NR3C2: variants seen among roughly 807,000 people sequenced by gnomAD.
NR3C2 encodes the protein nuclear receptor subfamily 3 group C member 2.
In NR3C2, 15 loss-of-function variants were observed where a neutral mutation model predicts 86.4. The observed-to-expected ratio is 0.17, with a 90% confidence interval of 0.12 to 0.27. The LOEUF is 0.27. Ranked by LOEUF, NR3C2 falls within the 10% of genes least tolerant of loss-of-function variation. NR3C2 has a pLI of 1.00. For synonymous variants in NR3C2, 458 were observed against 450.5 expected (o/e 1.02, Z -0.21); for missense variants, 960 against 1,195.6 (o/e 0.80, Z 2.91).
intron 6 of NR3C2, among the ~76,000 whole-genome samples, chr4:148,136,088 AACACCAC>A (rs1260528994): frequency 7.0e-6 from 1 of 142,058 alleles, no homozygotes; most frequent in African/African-American, 2.8e-5. Context: ...AAAAAAAAAA[AACACCAC>A]CAAAACCAAC....
chr4:148,394,973 G>C (rs1189399646), intron 2 of NR3C2, among the ~76,000 whole-genome samples: 1 of 152,056 alleles, frequency 6.6e-6, no homozygotes, highest in African/African-American at 2.4e-5. Flanking sequence ...TTTGCAAGCA[G>C]AATGTAGTGG....
intron 1 of NR3C2, among the ~76,000 whole-genome samples, chr4:148,439,114 C>A (rs1750211311): frequency 6.6e-6 from 1 of 152,068 alleles, no homozygotes; most frequent in Non-Finnish European, 1.5e-5. Context: ...GAAAACTAAA[C>A]TAAAAAACAG....
intron 6 of NR3C2, among the ~76,000 whole-genome samples, chr4:148,136,056 C>CAAAAA (rs199716496): frequency 1.0e-3 from 71 of 71,132 alleles, no homozygotes; most frequent in South Asian, 2.4e-3. Context: ...GACTCCGTCT[C>CAAAAA]AAAAAAAAAA....
intron 2 of NR3C2, among the ~76,000 whole-genome samples, chr4:148,390,513 A>G (rs1173128575): frequency 6.6e-6 from 1 of 152,170 alleles, no homozygotes; most frequent in Non-Finnish European, 1.5e-5. Flanking sequence ...GAATCACCTG[A>G]AAGGAGGGCA....
intron 8 of NR3C2, among the ~76,000 whole-genome samples, chr4:148,104,234 A>G (rs1731673237): frequency 6.6e-6 from 1 of 152,050 alleles, no homozygotes; most frequent in South Asian, 2.1e-4. Flanking sequence ...CTAGGCAATG[A>G]GTAAGATCTC....
chr4:148,310,936 G>A (rs1226214268), intron 2 of NR3C2, among the ~76,000 whole-genome samples: 2 of 152,022 alleles, frequency 1.3e-5, no homozygotes, highest in East Asian at 3.9e-4. Context: ...CAGCAAAACT[G>A]CTTAGCACGG....
chr4:148,326,234 CAAAAAA>C lies in NR3C2; in HGVS notation c.1758-66123_1758-66118del, dbSNP rs11381917. On this transcript the variant is annotated intron_variant, in intron 2 of 8. Transcript: ENST00000358102. ...TGAAACTCTATCTCTACTAAAAATA[CAAAAAA>C]AAAAAAAAAAATTAGCCGGGCATGG... Among the ~76,000 whole-genome samples, 9 of 133,734 alleles carry C rather than the reference CAAAAAA, an allele frequency of 6.7e-5. No individual in the cohort carries two copies. In the South Asian group the frequency reaches 1.9e-3, roughly 29 times the overall value. The allele number at this position is 133,734 out of a possible 152,430, so 87.7% of individuals were successfully genotyped here.
intron 2 of NR3C2, among the ~76,000 whole-genome samples, chr4:148,393,923 C>T (rs1249034285): frequency 1.3e-5 from 2 of 152,168 alleles, no homozygotes; most frequent in African/African-American, 4.8e-5. Context: ...CCCCTTGTGT[C>T]TTGGCTGGCC....
rs140591710 is a variant in NR3C2, at chr4:148,114,311, T to C, written c.2642-50A>G. 3.9e-4 allele frequency: 626 copies of C among 1,602,096 alleles called. 3 individuals carry two copies. In the African/African-American group the frequency reaches 7.3e-3, roughly 19 times the overall value. ...AAATTTCCAGGATGGAAAACAACTT[T>C]AGCATCTTGGCAGGTAAAGTCATAT... On this transcript the variant is annotated intron_variant, in intron 7 of 8. Transcript: ENST00000358102.
At chr4:148,330,209 T>C (rs931624527) in intron 2 of NR3C2, among the ~76,000 whole-genome samples, 2 of 152,096 alleles carry the variant, frequency 1.3e-5, no homozygotes, top group Non-Finnish European at 2.9e-5. Flanking sequence ...AGTAACTAAT[T>C]AATCCTAATG....
intron 8 of NR3C2, among the ~76,000 whole-genome samples, chr4:148,088,429 G>A (rs769886315): frequency 3.3e-5 from 5 of 152,162 alleles, no homozygotes; most frequent in South Asian, 2.1e-4. Flanking sequence ...TGTTTATTGC[G>A]GCACTGTTCA....
chr4:148,159,640 T>C, intron 4 of NR3C2, among the ~76,000 whole-genome samples: 1 of 152,232 alleles, frequency 6.6e-6, no homozygotes, highest in East Asian at 1.9e-4. Flanking sequence ...GGCTCAGAGT[T>C]CACGCCCTTA....
At chr4:148,366,483 GC>G in intron 2 of NR3C2, among the ~76,000 whole-genome samples, 1 of 6,688 alleles carries the variant, frequency 1.5e-4, no homozygotes. Flanking sequence ...AAAGTACTCA[GC>G]ACTTTTAAAA....
rs1480616735 is a variant in NR3C2 at position 148,080,177 on chromosome 4, C to T, written c.*1167G>A. 3 of 152,302 alleles carry T rather than the reference C, an allele frequency of 2.0e-5. No individual in the cohort carries two copies. The highest frequency in any genetic ancestry group is 7.2e-5 in the African/African-American group (3 of 41,462). The allele number at this position is 152,302 out of a possible 1,614,324, so 9.4% of individuals were successfully genotyped here. ...TGACACCTTCCAGGAGCTGCAGACA[C>T]CGCAGTGTGTCATTCCCCGATGGAG... On this transcript the variant is annotated 3_prime_UTR_variant, in exon 9 of 9. Coordinates refer to ENST00000358102, the MANE Select transcript of NR3C2 (RefSeq NM_000901.5).
chr4:148,344,049 AG>A (rs1744876939), intron 2 of NR3C2, among the ~76,000 whole-genome samples: 1 of 152,194 alleles, frequency 6.6e-6, no homozygotes, highest in Non-Finnish European at 1.5e-5. Flanking sequence ...ATCTAGAGGA[AG>A]GGGGATAGAC....
intron 3 of NR3C2, among the ~76,000 whole-genome samples, chr4:148,223,991 G>A (rs1367174552): frequency 6.6e-6 from 1 of 152,146 alleles, no homozygotes; most frequent in African/African-American, 2.4e-5. Context: ...ACAAGGTGTT[G>A]ACGATGTTGA....
At chr4:148,255,384 T>TCG (rs1739782355) in intron 3 of NR3C2, among the ~76,000 whole-genome samples, 6 of 152,220 alleles carry the variant, frequency 3.9e-5, no homozygotes, top group Non-Finnish European at 5.9e-5. Flanking sequence ...GTTCACAGGC[T>TCG]TGGCTGTCTG....
chr4:148,201,242 T>C (rs768208940), intron 3 of NR3C2: 1 of 152,190 alleles, frequency 6.6e-6, no homozygotes, highest in African/African-American at 2.4e-5. Context: ...CGAGCTCTTA[T>C]AAGCTCCATA....
intron 2 of NR3C2, among the ~76,000 whole-genome samples, chr4:148,341,831 T>TA (rs1276479351): frequency 6.6e-6 from 1 of 152,212 alleles, no homozygotes; most frequent in African/African-American, 2.4e-5. Flanking sequence ...ACCACTATTT[T>TA]AATATATTCA....
Sources: gnomAD v4.1 joint callset for allele counts (sites outside exome capture counted in the v4.1 genomes callset) on GRCh38, gnomAD v4.1.1 for gene constraint, MANE v1.5 for transcripts, NCBI Gene and HGNC (gene_info 2026-07-23, HGNC 2026-07-21) for gene names.